The following TCF12 variants were observed in gnomAD, a reference collection of about 807,000 sequenced individuals.
The protein encoded by TCF12 is transcription factor 12.
TCF12 carries 45 observed loss-of-function variants against 86.0 expected under a neutral mutation model. That is an observed-to-expected ratio of 0.52 (90% CI 0.41 to 0.67). The LOEUF (loss-of-function observed/expected upper bound fraction) is 0.67. TCF12 is among the 30% of genes least tolerant of loss of function. The probability of loss-of-function intolerance (pLI) is 0.00; values close to 1 mark genes in which losing one functional copy is unlikely to be tolerated. For missense variants in TCF12, 881 were observed against 859.9 expected, an observed-to-expected ratio of 1.02 and a Z score of -0.31; for synonymous variants, 330 against 299.6, an observed-to-expected ratio of 1.10 and a Z score of -1.05.
At chr15:56,958,477 T>C (rs575117589) in intron 3 of TCF12, among the ~76,000 whole-genome samples, 9 of 152,320 alleles carry the variant, frequency 5.9e-5, no homozygotes, top group South Asian at 2.1e-4. Flanking sequence ...ACTATTTACA[T>C]TTAAATTAGT....
intron 3 of TCF12, 112 bp downstream of exon 3, chr15:56,921,210 G>T: frequency 1.6e-6 from 1 of 629,342 alleles, no homozygotes; most frequent in East Asian, 3.7e-5. Flanking sequence ...TATAAAAGAT[G>T]GAATTGAGTC....
chr15:57,135,516 G>A (rs568630332), intron 5 of TCF12, among the ~76,000 whole-genome samples: 21 of 152,220 alleles, frequency 1.4e-4, no homozygotes, highest in African/African-American at 5.1e-4. Flanking sequence ...AACCTTAAAG[G>A]TGTTTCAGGT....
At chr15:57,060,632 A>G (rs1460066557) in intron 3 of TCF12, among the ~76,000 whole-genome samples, 2 of 152,234 alleles carry the variant, frequency 1.3e-5, no homozygotes, top group Non-Finnish European at 2.9e-5. Flanking sequence ...GCATGCATAT[A>G]CTAGAAATGG....
At chr15:57,038,519 A>T (rs182344634) in intron 3 of TCF12, among the ~76,000 whole-genome samples, 3 of 152,286 alleles carry the variant, frequency 2.0e-5, no homozygotes, top group African/African-American at 7.2e-5. Context: ...CTATTTCGTG[A>T]TATCACAGAT....
At chr15:57,091,700 C>T in intron 4 of TCF12, 89 bp from the exon 5 acceptor site, 1 of 839,468 alleles carries the variant, frequency 1.2e-6, no homozygotes, top group East Asian at 2.5e-5. Flanking sequence ...ATGTGTAAGT[C>T]TGTATATTAA....
chr15:57,275,712 C>G (rs778747622), intron 19 of TCF12, among the ~76,000 whole-genome samples: 1 of 152,088 alleles, frequency 6.6e-6, no homozygotes, highest in Non-Finnish European at 1.5e-5. Flanking sequence ...TTTACATGAC[C>G]TATTTGGGCA....
chr15:57,140,533 G>A (rs114605408), intron 5 of TCF12, among the ~76,000 whole-genome samples: 1 of 152,138 alleles, frequency 6.6e-6, no homozygotes, highest in African/African-American at 2.4e-5. Context: ...AAACAAGTTT[G>A]ATAAGGTTCC....
rs1567371379 is a variant in TCF12, at chr15:57,075,836, T to TCTCTCTCTCTCTC, written c.222+12013_222+12014insCTCTCTCTCTCTC. On this transcript the variant is annotated intron_variant, in intron 4 of 20. Coordinates refer to ENST00000333725, the MANE Select transcript of TCF12 (RefSeq NM_207037.2). ...TCTCTCTCTCTCTCTCTCTCTCTCT[T>TCTCTCTCTCTCTC]TTCTTTCTTTCTTTCTTTCTTTCTT... 2.2e-4 allele frequency among the ~76,000 whole-genome samples: 5 copies of TCTCTCTCTCTCTC among 22,342 alleles called. 1 individual carries two copies. Among genetic ancestry groups the TCTCTCTCTCTCTC allele is most frequent in the Non-Finnish European group, 4.1e-4 (4 of 9,680 alleles). 14.7% of individuals were successfully genotyped at this position (22,342 alleles called of 152,430 possible). A position where few individuals can be genotyped will look rare whatever the true frequency, so the allele number is the denominator to read the frequency against.
chr15:57,150,791 G>A (rs2053676711), intron 5 of TCF12, among the ~76,000 whole-genome samples: 1 of 151,832 alleles, frequency 6.6e-6, no homozygotes, highest in Non-Finnish European at 1.5e-5. Context: ...ATAAGATGTA[G>A]GGATAATGAA....
intron 5 of TCF12, among the ~76,000 whole-genome samples, chr15:57,106,688 G>A (rs2050154511): frequency 6.6e-6 from 1 of 152,156 alleles, no homozygotes; most frequent in Admixed American, 6.5e-5. Flanking sequence ...AAGGACTACT[G>A]TTCAAAATAT....
intron 16 of TCF12, among the ~76,000 whole-genome samples, chr15:57,256,543 T>TCCCCC (rs1566997445): frequency 1.1e-4 from 15 of 138,156 alleles, no homozygotes; most frequent in Admixed American, 1.5e-4. Context: ...TGGAATCGAT[T>TCCCCC]CCCCACCCCC....
At chr15:57,025,299 C>CAAGT (rs1266193863) in intron 3 of TCF12, among the ~76,000 whole-genome samples, 3 of 152,100 alleles carry the variant, frequency 2.0e-5, no homozygotes, top group African/African-American at 7.2e-5. Flanking sequence ...ACGCTGGTCT[C>CAAGT]GAATTCCTGA....
chr15:57,183,459 C>G (rs2056481874), intron 6 of TCF12, among the ~76,000 whole-genome samples: 1 of 152,142 alleles, frequency 6.6e-6, no homozygotes, highest in Non-Finnish European at 1.5e-5. Context: ...CTCTAGGGAT[C>G]TGTCATTTCT....
chr15:57,099,872 T>G, intron 5 of TCF12, among the ~76,000 whole-genome samples: 1 of 152,134 alleles, frequency 6.6e-6, no homozygotes, highest in Middle Eastern at 3.2e-3. Context: ...TTCAGAGTTT[T>G]TTTTTTTTTA....
intron 4 of TCF12, chr15:57,072,783 T>C: frequency 9.8e-7 from 1 of 1,020,802 alleles, no homozygotes; most frequent in Non-Finnish European, 1.3e-6. Flanking sequence ...CTGCTCCTTC[T>C]GAATGTTCTG....
intron 4 of TCF12, among the ~76,000 whole-genome samples, chr15:57,087,250 AAAAAT>A (rs1252161927): frequency 6.6e-6 from 1 of 151,852 alleles, no homozygotes; most frequent in African/African-American, 2.4e-5. Context: ...CATCTCGACA[AAAAAT>A]AAAAATATTG....
At chr15:57,196,427 C>T (rs905733235) in intron 7 of TCF12, among the ~76,000 whole-genome samples, 13 of 152,140 alleles carry the variant, frequency 8.5e-5, no homozygotes, top group South Asian at 4.1e-4. Flanking sequence ...TGGAACCAAT[C>T]CCACTGATAC....
At chr15:56,958,955 A>G (rs182691284) in intron 3 of TCF12, among the ~76,000 whole-genome samples, 3 of 152,290 alleles carry the variant, frequency 2.0e-5, no homozygotes, top group African/African-American at 7.2e-5. Flanking sequence ...ACTGGAAATG[A>G]GTTTCAACCT....
chr15:57,077,373 GTA>G lies in TCF12; in HGVS notation c.222+13558_222+13559del, dbSNP rs1184728627. Reference sequence around the variant, plus strand: ...TGTGTGTGTGTGTGTGTGTGTGTGTGTATATATATTTTTTTTTTTTTGGCAAG... The same window carrying G: ...TGTGTGTGTGTGTGTGTGTGTGTGTGTATATATTTTTTTTTTTTTGGCAAG... On this transcript the variant is annotated intron_variant, in intron 4 of 20. Coordinates refer to ENST00000333725, the MANE Select transcript of TCF12 (RefSeq NM_207037.2). 1.7e-3 allele frequency among the ~76,000 whole-genome samples: 174 copies of G among 101,800 alleles called. 6 individuals are homozygous for G. Among genetic ancestry groups the G allele is most frequent in the African/African-American group, 7.7e-3 (149 of 19,370 alleles). The allele number at this position is 101,800 out of a possible 152,430, so 66.8% of individuals were successfully genotyped here.
Sources: gnomAD v4.1 joint callset for allele counts (sites outside exome capture counted in the v4.1 genomes callset) on GRCh38, gnomAD v4.1.1 for gene constraint, MANE v1.5 for transcripts, NCBI Gene and HGNC (gene_info 2026-07-23, HGNC 2026-07-21) for gene names.